The following CABIN1 variants were observed in gnomAD, a reference collection of about 807,000 sequenced individuals.
CABIN1 encodes calcineurin binding protein 1, also known as calcineurin-binding protein cabin-1.
CABIN1 carries 133 observed loss-of-function variants against 227.7 expected under a neutral mutation model. The observed-to-expected ratio is 0.58, with a 90% confidence interval of 0.51 to 0.67. The LOEUF is 0.67. CABIN1 is among the 30% of genes least tolerant of loss of function. The pLI, the probability that CABIN1 is intolerant of heterozygous loss-of-function variation, is 0.00. For synonymous variants in CABIN1, 1,086 were observed against 1,155.1 expected, an observed-to-expected ratio of 0.94 and a Z score of 1.21; for missense variants, 2,408 against 2,852.5, an observed-to-expected ratio of 0.84 and a Z score of 3.55.
In CABIN1 at chr22:24,086,899, A is replaced by T. The variant is rs144337246; in HGVS notation, c.3264-553A>T. On this transcript the variant is annotated intron_variant, in intron 22 of 36. Coordinates refer to ENST00000263119, the MANE Select transcript of CABIN1 (RefSeq NM_012295.4). Reference sequence around the variant, plus strand: ...GATCTGCTCAGGGTCCCAGAGAGAGAATGGGGTAGAAGCTGGGTTGCTGGG... The same window carrying T: ...GATCTGCTCAGGGTCCCAGAGAGAGTATGGGGTAGAAGCTGGGTTGCTGGG... 2.0e-3 allele frequency among the ~76,000 whole-genome samples: 298 copies of T among 152,142 alleles called. 2 individuals carry two copies. Among genetic ancestry groups the T allele is most frequent in the African/African-American group, 6.9e-3 (285 of 41,496 alleles).
intron 24 of CABIN1, among the ~76,000 whole-genome samples, chr22:24,092,586 A>C (rs1235414257): frequency 1.3e-5 from 2 of 152,054 alleles, no homozygotes; most frequent in Non-Finnish European, 2.9e-5. Context: ...CTATGTGCCC[A>C]GTCTCTACCA....
At chr22:24,149,464 A>T (rs1291011555) in intron 29 of CABIN1, among the ~76,000 whole-genome samples, 1 of 152,222 alleles carries the variant, frequency 6.6e-6, no homozygotes, top group African/African-American at 2.4e-5. Flanking sequence ...GACCATGGAT[A>T]AAGGCAGACA....
chr22:24,028,457 T>C (rs140486032), intron 1 of CABIN1, among the ~76,000 whole-genome samples: 1 of 152,350 alleles, frequency 6.6e-6, no homozygotes, highest in Non-Finnish European at 1.5e-5. Context: ...GCCTCTGCAT[T>C]GAGGTACTTC....
At chr22:24,019,120 GTTTTTTTTTTTTTT>G (rs945660140) in intron 1 of CABIN1, among the ~76,000 whole-genome samples, 1 of 40,214 alleles carries the variant, frequency 2.5e-5, no homozygotes, top group African/African-American at 1.0e-4. Context: ...ACTGAGTGTT[GTTTTTTTTTTTTTT>G]TTTTTTTTTT....
At chr22:24,076,311 C>T (rs755102537) in intron 19 of CABIN1, 27 bp downstream of exon 19, 2 of 1,566,420 alleles carry the variant, frequency 1.3e-6, no homozygotes, top group Non-Finnish European at 1.8e-6. Flanking sequence ...GGGCTGCAGA[C>T]TGCCAGTGCG....
rs1288405495 is a variant in CABIN1, at chr22:24,176,186, A to G, written c.6116A>G (p.Lys2039Arg). ...PQEPRHSPQV[K>R]MAPTSSPAEP... Reference sequence around the variant, plus strand: ...GAGCCACGGCACAGTCCGCAGGTGAAGATGGCCCCCACAAGTTCCCCGGCA... The same window carrying G: ...GAGCCACGGCACAGTCCGCAGGTGAGGATGGCCCCCACAAGTTCCCCGGCA... Residue 2039 changes from lysine to arginine, a missense_variant, in exon 35 of 37, where the codon AAG (lysine) becomes AGG (arginine). Physicochemically the swap from Lys to Arg is conservative, Grantham distance 26. Transcript: ENST00000263119. The G allele has an allele frequency of 6.2e-7, 1 of 1,611,200 alleles. No homozygotes were observed. The highest frequency in any genetic ancestry group is 8.5e-7 in the Non-Finnish European group (1 of 1,179,368).
In CABIN1 at chr22:24,119,532, A is replaced by T; in HGVS notation, c.4466A>T (p.Glu1489Val). 1.9e-6 allele frequency: 3 copies of T among 1,613,894 alleles called. No individual in the cohort carries two copies. Among genetic ancestry groups the T allele is most frequent in the Non-Finnish European group, 1.7e-6 (2 of 1,180,004 alleles). ...AAGAAGAGAGGGGACCTCCCAGGGG[A>T]GCCAGTGGCCTTCCCCCAGGGGCTG... is the stretch of plus-strand genomic sequence containing the variant. ...DGKKRGDLPGEPVAFPQGLPA... is the reference protein window; with the variant it reads ...DGKKRGDLPGVPVAFPQGLPA... The change falls in exon 28 of 37, where the codon GAG (glutamate) becomes GTG (valine). Residue 1489 changes from glutamate to valine, a missense_variant. Around this residue, in one of 3 missense-constraint regions of CABIN1, gnomAD observed 649 missense variants for 910.3 expected, o/e 0.71. Coordinates refer to ENST00000263119, the MANE Select transcript of CABIN1 (RefSeq NM_012295.4).
chr22:24,107,731 G>C (rs2042592845), intron 26 of CABIN1, among the ~76,000 whole-genome samples: 1 of 152,182 alleles, frequency 6.6e-6, no homozygotes, highest in African/African-American at 2.4e-5. Context: ...TTTTCATAAT[G>C]ATCACAGCTG....
Position 24,145,619 on chromosome 22 carries a change from C to T in CABIN1, c.4746+11204C>T, listed in dbSNP as rs565430064. 2.0e-5 allele frequency among the ~76,000 whole-genome samples: 3 copies of T among 152,234 alleles called. No individual in the cohort carries two copies. The East Asian group carries it at 5.8e-4, about 29-fold the overall frequency. Reference sequence around the variant, plus strand: ...ACTCTGATGCTCAGATCTGTCGTCCCGTGTGTCTCTGCCTGGTGTGCCAGG... The same window carrying T: ...ACTCTGATGCTCAGATCTGTCGTCCTGTGTGTCTCTGCCTGGTGTGCCAGG... On this transcript the variant is annotated intron_variant, in intron 29 of 36. Coordinates refer to ENST00000263119, the MANE Select transcript of CABIN1 (RefSeq NM_012295.4).
chr22:24,039,017 C>G (rs1601728060), intron 4 of CABIN1, among the ~76,000 whole-genome samples: 1 of 152,136 alleles, frequency 6.6e-6, no homozygotes, highest in Admixed American at 6.5e-5. Context: ...AAGACCTGGT[C>G]CCAGCATGGG....
chr22:24,065,265 C>T (rs1327340066), intron 15 of CABIN1, among the ~76,000 whole-genome samples: 4 of 151,188 alleles, frequency 2.6e-5, no homozygotes, highest in Admixed American at 6.6e-5. Flanking sequence ...GGCTGCCAGG[C>T]GGAGGGTCTC....
chr22:24,016,979 T>C (rs2035336616), intron 1 of CABIN1, among the ~76,000 whole-genome samples: 1 of 152,114 alleles, frequency 6.6e-6, no homozygotes, highest in Admixed American at 6.5e-5. Flanking sequence ...GGTTTTTGTT[T>C]TTCTGTTCTT....
intron 15 of CABIN1, among the ~76,000 whole-genome samples, chr22:24,066,631 G>C (rs925222798): frequency 2.6e-5 from 4 of 152,128 alleles, no homozygotes; most frequent in Non-Finnish European, 5.9e-5. Flanking sequence ...CTGAGTCTCT[G>C]ACAACCCGAT....
chr22:24,136,725 TCACACACACACA>T (rs765709835), intron 29 of CABIN1, among the ~76,000 whole-genome samples: 1 of 143,416 alleles, frequency 7.0e-6, no homozygotes, highest in Non-Finnish European at 1.5e-5. Flanking sequence ...AAACAATACA[TCACACACACACA>T]CGCACACACA....
intron 6 of CABIN1, among the ~76,000 whole-genome samples, chr22:24,044,738 T>G (rs1003971410): frequency 6.6e-6 from 1 of 152,186 alleles, no homozygotes; most frequent in Non-Finnish European, 1.5e-5. Context: ...CTTTGCTACT[T>G]TATAACAAGG....
At chr22:24,026,240 C>G (rs1412740621) in intron 1 of CABIN1, among the ~76,000 whole-genome samples, 1 of 152,204 alleles carries the variant, frequency 6.6e-6, no homozygotes, top group Non-Finnish European at 1.5e-5. Context: ...TCCCAAAGTA[C>G]TGGGATTATA....
rs2039462786 is a variant in CABIN1, at chr22:24,064,564, AG to A, written c.2037+382del. On this transcript the variant is annotated intron_variant, in intron 15 of 36. Coordinates refer to ENST00000263119, the MANE Select transcript of CABIN1 (RefSeq NM_012295.4). ...GATCATTCTTGGGTGTTTCTCGCAGAGGGGGATTTGGCAGGGTCATAGGACA... is the reference window on the plus strand; with the variant it reads ...GATCATTCTTGGGTGTTTCTCGCAGAGGGGATTTGGCAGGGTCATAGGACA... 5.4e-5 allele frequency among the ~76,000 whole-genome samples: 6 copies of A among 111,510 alleles called. No homozygotes were observed. The Admixed American group carries it at 5.6e-4, about 10-fold the overall frequency. 73.2% of individuals were successfully genotyped at this position (111,510 alleles called of 152,430 possible).
chr22:24,048,939 CT>C, intron 6 of CABIN1, 151 bp from the exon 7 acceptor site: 1 of 894,614 alleles, frequency 1.1e-6, no homozygotes, highest in South Asian at 1.4e-5. Flanking sequence ...GGTCTTATTA[CT>C]AACCTGACTG....
rs778353918 is a variant in CABIN1 at position 24,178,176 on chromosome 22, G to A, written c.6643G>A (p.Asp2215Asn). 57 of 1,613,252 alleles carry A rather than the reference G, an allele frequency of 3.5e-5. No individual in the cohort carries two copies. The highest frequency in any genetic ancestry group is 4.7e-5 in the Non-Finnish European group (55 of 1,179,960). The change falls in exon 37 of 37, where the codon GAC becomes AAC. Residue 2215 changes from aspartate to asparagine, a missense_variant. Physicochemically the swap from Asp to Asn is conservative, Grantham distance 23. Transcript: ENST00000263119. Reference sequence around the variant, plus strand: ...GCTGGAGAGCGAGACAGACGAGGACGACGACTACATGGACATTTGAGGGGC... The same window carrying A: ...GCTGGAGAGCGAGACAGACGAGGACAACGACTACATGGACATTTGAGGGGC... ...SSLESETDED[D>N]DYMDI
Sources: allele counts gnomAD v4.1 joint callset (sites outside exome capture counted in the v4.1 genomes callset), GRCh38; gene constraint gnomAD v4.1.1; regional missense constraint gnomAD v4.1.1; transcripts MANE v1.5; gene names NCBI Gene and HGNC (gene_info 2026-07-23, HGNC 2026-07-21).